PAM: variants seen among roughly 807,000 people sequenced by gnomAD.
PAM encodes peptidyl-glycine alpha-amidating monooxygenase.
A neutral mutation model predicts 122.1 loss-of-function variants in PAM; 72 were observed. The observed-to-expected ratio is 0.59, with a 90% CI of 0.49 to 0.72. The LOEUF (loss-of-function observed/expected upper bound fraction) is 0.72. Among genes scored for constraint, PAM ranks in the 30% least tolerant of loss-of-function variants. The pLI, the probability that PAM is intolerant of heterozygous loss-of-function variation, is 0.00. For synonymous variants in PAM, 389 were observed against 404.4 expected, an observed-to-expected ratio of 0.96 and a Z score of 0.46; for missense variants, 1,106 against 1,183.7, an observed-to-expected ratio of 0.93 and a Z score of 0.96.
At chr5:102,876,722 C>T (rs1333736461) in intron 3 of PAM, among the ~76,000 whole-genome samples, 2 of 152,154 alleles carry the variant, frequency 1.3e-5, no homozygotes, top group Non-Finnish European at 2.9e-5. Flanking sequence ...GGTTAGTTGG[C>T]GTAAACCCGA....
At chr5:102,966,960 A>G (rs547293952) in intron 14 of PAM, among the ~76,000 whole-genome samples, 75 of 152,060 alleles carry the variant, frequency 4.9e-4, no homozygotes, top group Non-Finnish European at 1.0e-3. Context: ...CACCTGCCTC[A>G]TTAAGATTTT....
At chr5:102,801,615 G>A (rs1198752898) in intron 1 of PAM, among the ~76,000 whole-genome samples, 7 of 152,144 alleles carry the variant, frequency 4.6e-5, no homozygotes, top group Admixed American at 4.6e-4. Context: ...CCTGCTGTCA[G>A]ATCTTGTCGG....
chr5:102,879,803 A>G (rs893311029), intron 3 of PAM, among the ~76,000 whole-genome samples: 8 of 152,192 alleles, frequency 5.3e-5, no homozygotes, highest in East Asian at 1.9e-4. Context: ...TTGTGTTACA[A>G]TTGCTTCCGA....
intron 16 of PAM, among the ~76,000 whole-genome samples, chr5:102,994,730 C>A (rs1002639943): frequency 6.6e-6 from 1 of 152,070 alleles, no homozygotes; most frequent in Non-Finnish European, 1.5e-5. Context: ...GAATTCAGGG[C>A]TTTATTCCAA....
intron 1 of PAM, among the ~76,000 whole-genome samples, chr5:102,836,866 GA>G: frequency 6.7e-6 from 1 of 149,178 alleles, no homozygotes; most frequent in South Asian, 2.2e-4. Flanking sequence ...AACCGAGAGA[GA>G]GAGAGAGAGA....
At chr5:103,021,240 C>T (rs1262002997) in intron 23 of PAM, among the ~76,000 whole-genome samples, 1 of 152,160 alleles carries the variant, frequency 6.6e-6, no homozygotes. Context: ...AAAGCCTGCA[C>T]TCTTAACCAC....
chr5:103,008,872 G>A (rs936129574), intron 20 of PAM, among the ~76,000 whole-genome samples: 4 of 152,028 alleles, frequency 2.6e-5, no homozygotes, highest in Non-Finnish European at 5.9e-5. Flanking sequence ...ATTATCAGTT[G>A]AGAAGGAATA....
chr5:102,913,356 A>T (rs1294874950), intron 4 of PAM, among the ~76,000 whole-genome samples: 1 of 152,026 alleles, frequency 6.6e-6, no homozygotes, highest in Non-Finnish European at 1.5e-5. Flanking sequence ...TACCATGCTT[A>T]TTGAGGACAG....
At chr5:102,881,279 C>A (rs762879769) in intron 3 of PAM, among the ~76,000 whole-genome samples, 8 of 151,306 alleles carry the variant, frequency 5.3e-5, no homozygotes, top group South Asian at 2.1e-4. Context: ...AGACAAGCAG[C>A]CCAAAAGAAA....
intron 3 of PAM, among the ~76,000 whole-genome samples, chr5:102,874,588 TA>T (rs1561715943): frequency 6.6e-6 from 1 of 152,092 alleles, no homozygotes. Context: ...TTATTTCTTA[TA>T]AAAAATAAGA....
At chr5:102,896,992 T>C (rs1247243763) in intron 3 of PAM, among the ~76,000 whole-genome samples, 2 of 151,604 alleles carry the variant, frequency 1.3e-5, no homozygotes, top group African/African-American at 2.4e-5. Flanking sequence ...AAAAACACTT[T>C]GGGAGACAGC....
chr5:103,012,871 A>AAG (rs1781029448), intron 21 of PAM, among the ~76,000 whole-genome samples: 1 of 151,650 alleles, frequency 6.6e-6, no homozygotes, highest in Non-Finnish European at 1.5e-5. Flanking sequence ...AAAAAAAAAA[A>AAG]ATGAGTTCAC....
At chr5:102,772,298 G>A (rs1264224347) in intron 1 of PAM, among the ~76,000 whole-genome samples, 1 of 152,072 alleles carries the variant, frequency 6.6e-6, no homozygotes, top group African/African-American at 2.4e-5. Flanking sequence ...ACCCTGCAGT[G>A]TAAACCTTCA....
intron 1 of PAM, among the ~76,000 whole-genome samples, chr5:102,861,181 A>G (rs1023893226): frequency 2.6e-5 from 4 of 152,228 alleles, no homozygotes; most frequent in African/African-American, 9.6e-5. Flanking sequence ...AAGCCTTCAG[A>G]TGACTGCAGT....
intron 7 of PAM, among the ~76,000 whole-genome samples, chr5:102,928,186 C>A (rs1367497006): frequency 6.6e-6 from 1 of 152,198 alleles, no homozygotes; most frequent in East Asian, 1.9e-4. Context: ...CTCTATAAAA[C>A]CCTGTACTTC....
At chr5:102,793,340 A>G (rs1762529649) in intron 1 of PAM, among the ~76,000 whole-genome samples, 1 of 151,616 alleles carries the variant, frequency 6.6e-6, no homozygotes, top group Admixed American at 6.6e-5. Flanking sequence ...TCTGGGCAAC[A>G]TAGGGAGACC....
intron 1 of PAM, among the ~76,000 whole-genome samples, chr5:102,795,205 AAAAAAAAG>A (rs1210544988): frequency 6.6e-6 from 1 of 150,686 alleles, no homozygotes; most frequent in African/African-American, 2.4e-5. Context: ...AAAAAAAAAA[AAAAAAAAG>A]AAGAGAAGAA....
intron 14 of PAM, among the ~76,000 whole-genome samples, chr5:102,967,554 A>G (rs1227923955): frequency 6.6e-6 from 1 of 152,180 alleles, no homozygotes; most frequent in African/African-American, 2.4e-5. Context: ...TATGACAAGA[A>G]ATAAGAAATG....
intron 3 of PAM, among the ~76,000 whole-genome samples, chr5:102,884,885 T>C (rs1484412690): frequency 1.3e-5 from 2 of 151,868 alleles, no homozygotes; most frequent in African/African-American, 4.8e-5. Context: ...GAGGAGGGTA[T>C]ATAAAAATAG....
Sources: gnomAD v4.1 joint callset for allele counts (sites outside exome capture counted in the v4.1 genomes callset) on GRCh38, gnomAD v4.1.1 for gene constraint, MANE v1.5 for transcripts, NCBI Gene and HGNC (gene_info 2026-07-23, HGNC 2026-07-21) for gene names.